The following ARHGAP26 variants were observed in gnomAD, a reference collection of about 807,000 sequenced individuals.
The protein encoded by ARHGAP26 is rho GTPase-activating protein 26.
Under a neutral mutation model 104.8 loss-of-function variants are expected in ARHGAP26, and 38 were observed. That is an observed-to-expected ratio of 0.36 (90% CI 0.28 to 0.48). The LOEUF (loss-of-function observed/expected upper bound fraction) is 0.48, where lower values mean the gene tolerates loss of function less well. Ranked by LOEUF, ARHGAP26 falls within the 20% of genes least tolerant of loss-of-function variation. ARHGAP26 has a pLI of 0.99. For synonymous variants in ARHGAP26, 341 were observed against 340.0 expected, an observed-to-expected ratio of 1.00 and a Z score of -0.03; for missense variants, 704 against 947.9, an observed-to-expected ratio of 0.74 and a Z score of 3.38.
chr5:142,935,221 T>C (rs892426193), intron 11 of ARHGAP26, among the ~76,000 whole-genome samples: 2 of 152,126 alleles, frequency 1.3e-5, no homozygotes, highest in Admixed American at 6.5e-5. Flanking sequence ...ATATTTGGAG[T>C]TGGTTTCCTC....
At chr5:142,935,475 T>C (rs1424533020) in intron 11 of ARHGAP26, among the ~76,000 whole-genome samples, 1 of 152,230 alleles carries the variant, frequency 6.6e-6, no homozygotes, top group Non-Finnish European at 1.5e-5. Flanking sequence ...CTTGCTTCAG[T>C]AAAACTTTAT....
chr5:143,209,920 AGGT>A (rs1599530922), intron 21 of ARHGAP26, among the ~76,000 whole-genome samples: 1 of 152,188 alleles, frequency 6.6e-6, no homozygotes, highest in Non-Finnish European at 1.5e-5. Context: ...TATAGCAAAG[AGGT>A]GGTGGTATAC....
Position 143,122,231 on chromosome 5 carries a change from T to A in ARHGAP26, c.1698+1084T>A, listed in dbSNP as rs145436941. Among the ~76,000 whole-genome samples the A allele has an allele frequency of 7.4e-4, 112 of 152,332 alleles. 1 individual carries two copies. The highest frequency in any genetic ancestry group is 2.5e-3 in the African/African-American group (105 of 41,580). On this transcript the variant is annotated intron_variant, in intron 18 of 22. Transcript: ENST00000645722. Reference sequence around the variant, plus strand: ...ATAGTCTCTGTCCTTTTACTGTTACTACCTGATCTCGTCTCCTGCATCTCT... The same window carrying A: ...ATAGTCTCTGTCCTTTTACTGTTACAACCTGATCTCGTCTCCTGCATCTCT...
intron 5 of ARHGAP26, among the ~76,000 whole-genome samples, chr5:142,887,527 C>T (rs2152411107): frequency 6.6e-6 from 1 of 152,278 alleles, no homozygotes; most frequent in East Asian, 1.9e-4. Flanking sequence ...GCCACTATTC[C>T]TGACTTTGAC....
chr5:142,804,210 A>G (rs184579512), intron 1 of ARHGAP26, among the ~76,000 whole-genome samples: 7 of 152,374 alleles, frequency 4.6e-5, no homozygotes, highest in Non-Finnish European at 4.4e-5. Flanking sequence ...CGACAGTTTT[A>G]TATGGTTCAA....
intron 17 of ARHGAP26, among the ~76,000 whole-genome samples, chr5:143,108,380 A>G (rs1794315408): frequency 6.6e-6 from 1 of 152,172 alleles, no homozygotes; most frequent in African/African-American, 2.4e-5. Flanking sequence ...GAACTTTCCC[A>G]TGGGGTCTCA....
chr5:143,207,016 C>T (rs1367521454), intron 20 of ARHGAP26, among the ~76,000 whole-genome samples, 182 bp from the exon 21 acceptor site: 3 of 152,176 alleles, frequency 2.0e-5, no homozygotes, highest in East Asian at 3.8e-4. Context: ...ACAGAACAGA[C>T]GTTTACTTGG....
intron 11 of ARHGAP26, among the ~76,000 whole-genome samples, chr5:142,960,452 A>G (rs1770031829): frequency 6.6e-6 from 1 of 152,266 alleles, no homozygotes; most frequent in South Asian, 2.1e-4. Flanking sequence ...TCTGAGTAGC[A>G]TGATGAAATC....
intron 10 of ARHGAP26, among the ~76,000 whole-genome samples, chr5:142,920,069 T>G (rs1027893659): frequency 2.6e-5 from 4 of 152,348 alleles, no homozygotes; most frequent in Admixed American, 2.6e-4. Flanking sequence ...GCTTTTGTAT[T>G]ACTTTGCCAT....
chr5:142,837,616 G>A (rs951856855), intron 1 of ARHGAP26, among the ~76,000 whole-genome samples: 6 of 152,202 alleles, frequency 3.9e-5, no homozygotes, highest in African/African-American at 1.4e-4. Context: ...GAGCTTAAGG[G>A]TGAGCTAGTC....
At chr5:142,881,925 G>A (rs1757052729) in intron 4 of ARHGAP26, among the ~76,000 whole-genome samples, 2 of 152,188 alleles carry the variant, frequency 1.3e-5, no homozygotes, top group Admixed American at 6.5e-5. Flanking sequence ...AGTGCACCAT[G>A]TGAAGGCTGC....
intron 8 of ARHGAP26, among the ~76,000 whole-genome samples, 185 bp downstream of exon 8, chr5:142,903,854 T>C (rs112528269): frequency 0.014 from 2,179 of 152,292 alleles, 62 homozygotes; most frequent in African/African-American, 0.05. Context: ...TGTTTTTCTT[T>C]ATGAATGGGA....
intron 1 of ARHGAP26, among the ~76,000 whole-genome samples, chr5:142,864,076 T>C (rs570225712): frequency 6.6e-6 from 1 of 152,220 alleles, no homozygotes; most frequent in South Asian, 2.1e-4. Context: ...TCTGACCCAG[T>C]GAGTGGGTCT....
chr5:143,025,360 A>G (rs968052009), intron 12 of ARHGAP26, among the ~76,000 whole-genome samples: 1 of 152,162 alleles, frequency 6.6e-6, no homozygotes, highest in African/African-American at 2.4e-5. Context: ...TGACCAACAA[A>G]TTGTTCTTAA....
At chr5:143,047,190 T>TC (rs573238486) in intron 14 of ARHGAP26, among the ~76,000 whole-genome samples, 60 of 152,296 alleles carry the variant, frequency 3.9e-4, no homozygotes, top group African/African-American at 1.4e-3. Flanking sequence ...CAGGTAAATA[T>TC]CCCCATAGAG....
rs187729 is a variant in ARHGAP26 at position 143,226,004 on chromosome 5, C to T, written c.*3558C>T. ...TCTGTGTGAACAGGAAACTTTAGGGCAGATGAGGAGAATGAATTGGTTATC... is the reference window on the plus strand; with the variant it reads ...TCTGTGTGAACAGGAAACTTTAGGGTAGATGAGGAGAATGAATTGGTTATC... On this transcript the variant is annotated 3_prime_UTR_variant, in exon 23 of 23. Coordinates refer to ENST00000645722, the MANE Select transcript of ARHGAP26 (RefSeq NM_001135608.3). 132,783 of 215,522 alleles carry T rather than the reference C, an allele frequency of 0.62. 43,566 individuals carry two copies. Among genetic ancestry groups the T allele is most frequent in the African/African-American group, 0.88 (38,884 of 44,332 alleles). The allele number at this position is 215,522 out of a possible 1,614,324, so 13.4% of individuals were successfully genotyped here.
chr5:142,937,782 C>T (rs1275778174), intron 11 of ARHGAP26, among the ~76,000 whole-genome samples: 1 of 146,708 alleles, frequency 6.8e-6, no homozygotes, highest in African/African-American at 2.5e-5. Flanking sequence ...ATGAAAAAGG[C>T]CAGTCTCAAA....
chr5:142,980,196 C>G (rs1773715408), intron 11 of ARHGAP26, among the ~76,000 whole-genome samples: 2 of 152,260 alleles, frequency 1.3e-5, no homozygotes, highest in Admixed American at 6.5e-5. Context: ...AGTATAATAC[C>G]TGTGAGACTC....
intron 14 of ARHGAP26, among the ~76,000 whole-genome samples, chr5:143,042,600 A>T (rs192786704): frequency 3.9e-5 from 6 of 152,262 alleles, no homozygotes; most frequent in Non-Finnish European, 8.8e-5. Context: ...AATGGCAAAC[A>T]GATCAGGTTT....
Sources: gnomAD v4.1 joint callset for allele counts (sites outside exome capture counted in the v4.1 genomes callset) on GRCh38, gnomAD v4.1.1 for gene constraint, MANE v1.5 for transcripts, NCBI Gene and HGNC (gene_info 2026-07-23, HGNC 2026-07-21) for gene names.